GIPC2: variants seen among roughly 807,000 people sequenced by gnomAD.
GIPC2 encodes GIPC PDZ domain containing family member 2.
Under a neutral mutation model 30.6 loss-of-function variants are expected in GIPC2, and 30 were observed. The observed-to-expected ratio is 0.98, with a 90% CI of 0.73 to 1.33. The LOEUF (loss-of-function observed/expected upper bound fraction) is 1.33. Ranked by LOEUF, GIPC2 falls within the 40% of genes most tolerant of loss-of-function variation. The pLI, the probability that GIPC2 is intolerant of heterozygous loss-of-function variation, is 0.00. For synonymous variants in GIPC2, 167 were observed against 150.0 expected (o/e 1.11, Z -0.83); for missense variants, 414 against 390.3 (o/e 1.06, Z -0.51).
chr1:78,053,449 A>G (rs767656663), intron 1 of GIPC2, among the ~76,000 whole-genome samples: 2 of 152,122 alleles, frequency 1.3e-5, no homozygotes, highest in African/African-American at 2.4e-5. Context: ...AGGATTTCCC[A>G]TAGAGTGCTG....
intron 3 of GIPC2, among the ~76,000 whole-genome samples, chr1:78,105,678 A>G (rs913700967): frequency 6.6e-6 from 1 of 152,192 alleles, no homozygotes; most frequent in Non-Finnish European, 1.5e-5. Context: ...AAGCTTATTA[A>G]TTAAAACAGC....
intron 1 of GIPC2, among the ~76,000 whole-genome samples, chr1:78,054,536 C>G (rs534497618): frequency 6.6e-6 from 1 of 152,310 alleles, no homozygotes; most frequent in East Asian, 1.9e-4. Flanking sequence ...GCACACTCAA[C>G]CATTCATTCT....
At chr1:78,078,935 T>C (rs945728423) in intron 1 of GIPC2, among the ~76,000 whole-genome samples, 1 of 152,032 alleles carries the variant, frequency 6.6e-6, no homozygotes, top group Non-Finnish European at 1.5e-5. Context: ...AGAAAAGCTG[T>C]TTTCTACACA....
Position 78,059,601 on chromosome 1 carries a change from G to A in GIPC2, c.240+13267G>A, listed in dbSNP as rs550605865. The stretch of plus-strand genomic sequence containing the variant: ...CTACAAAAAATACAAAAATGAGTAA[G>A]GCATGGTGATGTGTGCCTCTAGTTC... On this transcript the variant is annotated intron_variant, in intron 1 of 5. Transcript: ENST00000370759. Among the ~76,000 whole-genome samples the A allele has an allele frequency of 2.0e-5, 3 of 152,162 alleles. No homozygotes were observed. In the East Asian group the frequency reaches 5.8e-4, roughly 29 times the overall value.
intron 1 of GIPC2, among the ~76,000 whole-genome samples, 191 bp from the exon 2 acceptor site, chr1:78,080,484 A>C (rs1369431088): frequency 6.6e-6 from 1 of 152,192 alleles, no homozygotes. Context: ...AACCCTCAAT[A>C]CATGTTACCT....
intron 2 of GIPC2, among the ~76,000 whole-genome samples, chr1:78,082,539 C>T (rs1309034010): frequency 1.3e-5 from 2 of 152,106 alleles, no homozygotes; most frequent in Non-Finnish European, 2.9e-5. Context: ...GGACATGAGG[C>T]ACAGGCAGCA....
chr1:78,080,816 G>C lies in GIPC2; in HGVS notation c.382G>C (p.Gly128Arg), dbSNP rs145013798. The C allele has an allele frequency of 5.4e-5, 87 of 1,610,196 alleles. No homozygotes were observed. The highest frequency in any genetic ancestry group is 7.0e-5 in the Non-Finnish European group (82 of 1,177,322). ...TGTGTATAAATCTGAGGATTCACTT[G>C]GTCTCACCATTACAGATAATGGTGT... is the stretch of plus-strand genomic sequence containing the variant. ...VNVYKSEDSL[G>R]LTITDNGVGY... Residue 128 changes from glycine (G) to arginine (R), a missense_variant, in exon 2 of 6, where the codon GGT (glycine) becomes CGT (arginine). By Grantham distance (125) the Gly-to-Arg change is moderately radical (BLOSUM62 -2). Transcript: ENST00000370759.
At chr1:78,060,441 G>A (rs753373329) in intron 1 of GIPC2, among the ~76,000 whole-genome samples, 1 of 151,996 alleles carries the variant, frequency 6.6e-6, no homozygotes, top group Non-Finnish European at 1.5e-5. Flanking sequence ...CACTGCAGCC[G>A]ACCGACCCTC....
chr1:78,071,180 T>C (rs1661610945), intron 1 of GIPC2, among the ~76,000 whole-genome samples: 1 of 152,190 alleles, frequency 6.6e-6, no homozygotes, highest in Non-Finnish European at 1.5e-5. Flanking sequence ...ACATGCATTA[T>C]ACTGGGAAAA....
intron 3 of GIPC2, among the ~76,000 whole-genome samples, chr1:78,118,941 T>C (rs187571584): frequency 5.3e-5 from 8 of 152,242 alleles, no homozygotes; most frequent in Admixed American, 5.2e-4. Flanking sequence ...CAAATAATAG[T>C]GCTCTTGTCC....
upstream of GIPC2, chr1:78,045,506 A>T (rs1661051023): frequency 1.1e-6 from 1 of 952,350 alleles, no homozygotes. Context: ...CAAAAGGGAA[A>T]CTCAGAGGTG....
chr1:78,108,054 G>A (rs1662393992), intron 3 of GIPC2, among the ~76,000 whole-genome samples: 1 of 152,056 alleles, frequency 6.6e-6, no homozygotes, highest in Non-Finnish European at 1.5e-5. Flanking sequence ...TAAAGTCTAG[G>A]GGGAAGGTCC....
chr1:78,094,390 C>T (rs1457337588), intron 2 of GIPC2, among the ~76,000 whole-genome samples: 1 of 152,238 alleles, frequency 6.6e-6, no homozygotes, highest in African/African-American at 2.4e-5. Flanking sequence ...TGAACAATCG[C>T]ACTGTGGTAT....
chr1:78,061,868 C>T (rs1188492628), intron 1 of GIPC2, among the ~76,000 whole-genome samples: 10 of 152,184 alleles, frequency 6.6e-5, no homozygotes, highest in African/African-American at 1.7e-4. Flanking sequence ...CTGCCTGCCT[C>T]GGCCTCCCAA....
chr1:78,097,317 C>T (rs776153756), intron 3 of GIPC2, among the ~76,000 whole-genome samples: 1 of 152,142 alleles, frequency 6.6e-6, no homozygotes, highest in Non-Finnish European at 1.5e-5. Flanking sequence ...AGGAGAAGGG[C>T]CAGTCTTAGT....
chr1:78,118,740 G>A (rs777356280), intron 3 of GIPC2, among the ~76,000 whole-genome samples: 33 of 152,216 alleles, frequency 2.2e-4, no homozygotes, highest in South Asian at 4.2e-4. Context: ...GGGCTGGAGC[G>A]TTGTTCAGGA....
At chr1:78,055,558 T>C (rs1266504341) in intron 1 of GIPC2, among the ~76,000 whole-genome samples, 1 of 152,190 alleles carries the variant, frequency 6.6e-6, no homozygotes, top group Non-Finnish European at 1.5e-5. Context: ...CTTATTCTAC[T>C]TTTGACTGAT....
chr1:78,055,509 T>A (rs1409321809), intron 1 of GIPC2, among the ~76,000 whole-genome samples: 1 of 152,164 alleles, frequency 6.6e-6, no homozygotes, highest in African/African-American at 2.4e-5. Context: ...GCAAGTCTAG[T>A]TGTCCTTAAC....
At position 78,101,284 on chromosome 1, in the gene GIPC2, T is replaced by C. The variant is rs574158149; in HGVS notation, c.607+6152T>C. On this transcript the variant is annotated intron_variant, in intron 3 of 5. Coordinates refer to ENST00000370759, the MANE Select transcript of GIPC2 (RefSeq NM_017655.6). ...TTCCATTGCACTTTCCCAAGTTGGC[T>C]GTGGGGCTCTGAGGGAGGAATAAAG... Among the ~76,000 whole-genome samples, 6 of 152,274 alleles carry C rather than the reference T, an allele frequency of 3.9e-5. No individual in the cohort carries two copies. The East Asian group carries it at 9.7e-4, about 25-fold the overall frequency.
Sources: allele counts gnomAD v4.1 joint callset (sites outside exome capture counted in the v4.1 genomes callset), GRCh38; gene constraint gnomAD v4.1.1; transcripts MANE v1.5; gene names NCBI Gene and HGNC (gene_info 2026-07-23, HGNC 2026-07-21).